The following C4orf36 variants were observed in gnomAD, a reference collection of about 807,000 sequenced individuals.
C4orf36 encodes uncharacterized protein C4orf36.
In C4orf36, 11 loss-of-function variants were observed where a neutral mutation model predicts 12.2. The observed-to-expected ratio is 0.90, with a 90% confidence interval of 0.57 to 1.49. The LOEUF is 1.49. Ranked by LOEUF, C4orf36 falls within the 40% of genes most tolerant of loss-of-function variation. The probability of loss-of-function intolerance (pLI) is 0.00; values close to 1 mark genes in which losing one functional copy is unlikely to be tolerated. For synonymous variants in C4orf36, 54 were observed against 51.3 expected (o/e 1.05, Z -0.22); for missense variants, 137 against 133.9 (o/e 1.02, Z -0.11).
intron 2 of C4orf36, among the ~76,000 whole-genome samples, chr4:86,889,734 G>A (rs6823051): frequency 0.39 from 58,931 of 151,960 alleles, 12,209 homozygotes; most frequent in Non-Finnish European, 0.45. Flanking sequence ...CAGGTGATGT[G>A]ATGAGATCTC....
intron 1 of C4orf36, chr4:86,891,922 G>GCT (rs1398501045): frequency 1.1e-6 from 1 of 897,240 alleles, no homozygotes; most frequent in Non-Finnish European, 1.4e-6. Context: ...GCGACCAAAG[G>GCT]CTCTGCCTGC....
chr4:86,879,424 C>T (rs2121871), intron 4 of C4orf36, among the ~76,000 whole-genome samples: 59,115 of 151,992 alleles, frequency 0.39, 12,259 homozygotes, highest in Non-Finnish European at 0.45. Context: ...AGGAGTTCAA[C>T]AGGACACTTA....
intron 2 of C4orf36, chr4:86,889,971 A>G: frequency 2.3e-6 from 1 of 429,456 alleles, no homozygotes; most frequent in Admixed American, 2.5e-5. Flanking sequence ...AAGGTGGATC[A>G]CTTGAGGACA....
chr4:86,914,288 G>T, the C4orf36 span: 1 of 1,600,736 alleles, frequency 6.2e-7, no homozygotes, highest in East Asian at 2.2e-5. Flanking sequence ...CCCCACAAGT[G>T]ACGATGCGGT....
intron 4 of C4orf36, 87 bp downstream of exon 4, chr4:86,887,671 G>A (rs1747228398): frequency 1.3e-6 from 2 of 1,529,442 alleles, no homozygotes; most frequent in Admixed American, 3.6e-5. Context: ...TCAAATATCT[G>A]CCCTGAACTA....
At chr4:86,927,558 G>A in the C4orf36 span, among the ~76,000 whole-genome samples, 1 of 152,310 alleles carries the variant, frequency 6.6e-6, no homozygotes, top group African/African-American at 2.4e-5. Flanking sequence ...ACTTTGGGAG[G>A]CCGAGGCGGG....
At chr4:86,889,101 A>G (rs899172089) in intron 2 of C4orf36, among the ~76,000 whole-genome samples, 1 of 151,998 alleles carries the variant, frequency 6.6e-6, no homozygotes, top group African/African-American at 2.4e-5. Flanking sequence ...TGTAATCCCA[A>G]CACTTTGGGA....
At chr4:86,880,605 T>C (rs1431009165) in intron 4 of C4orf36, among the ~76,000 whole-genome samples, 2 of 152,162 alleles carry the variant, frequency 1.3e-5, no homozygotes, top group African/African-American at 4.8e-5. Flanking sequence ...AAACAAAAGC[T>C]GAGGAGGTTC....
chr4:86,881,408 G>C (rs951851050), intron 4 of C4orf36, among the ~76,000 whole-genome samples: 21 of 152,048 alleles, frequency 1.4e-4, no homozygotes, highest in Admixed American at 1.4e-3. Context: ...GCTATCTCCT[G>C]ATTTTTAAAA....
the C4orf36 span, among the ~76,000 whole-genome samples, chr4:86,921,591 T>C: frequency 6.6e-6 from 1 of 152,232 alleles, no homozygotes; most frequent in East Asian, 1.9e-4. Context: ...GAATATTTAG[T>C]AAACTGTGAC....
intron 4 of C4orf36, chr4:86,886,489 G>A (rs867977579): frequency 7.9e-5 from 12 of 152,180 alleles, no homozygotes; most frequent in Middle Eastern, 3.2e-3. Context: ...AGACATTTAT[G>A]CAGCCAACAG....
In C4orf36 at chr4:86,876,411, C is replaced by T; in HGVS notation, c.*35G>A. ...GGAGAAGCAGTTCCCGCCGGCGCTG[C>T]TGAGTTTCTTCATCTACAATCCGCG... is the stretch of plus-strand genomic sequence containing the variant. On this transcript the variant is annotated 3_prime_UTR_variant, in exon 5 of 5. Transcript: ENST00000295898. The T allele has an allele frequency of 6.2e-7, 1 of 1,612,532 alleles. No homozygotes were observed. Among genetic ancestry groups the T allele is most frequent in the East Asian group, 2.2e-5 (1 of 44,858 alleles).
chr4:86,922,395 C>CA, the C4orf36 span, among the ~76,000 whole-genome samples: 3 of 151,926 alleles, frequency 2.0e-5, no homozygotes, highest in African/African-American at 7.2e-5. Context: ...AATGGAAAAA[C>CA]AAAAACAAAA....
At chr4:86,886,054 T>C (rs1183917288) in intron 4 of C4orf36, among the ~76,000 whole-genome samples, 3 of 152,196 alleles carry the variant, frequency 2.0e-5, no homozygotes, top group African/African-American at 4.8e-5. Flanking sequence ...GAAGCCCACT[T>C]GATCATGGTG....
the C4orf36 span, among the ~76,000 whole-genome samples, chr4:86,932,810 G>A: frequency 2.5e-3 from 378 of 150,202 alleles, 1 homozygote; most frequent in Non-Finnish European, 4.3e-3. Flanking sequence ...AAGCACCGAT[G>A]TCAGAAACAT....
chr4:86,896,327 A>G (rs181779184), upstream of C4orf36, among the ~76,000 whole-genome samples: 2 of 152,332 alleles, frequency 1.3e-5, no homozygotes, highest in Admixed American at 1.3e-4. Context: ...ATTTCTCATG[A>G]CATACATGTA....
chr4:86,890,199 G>GAGGA (rs1560473814), intron 2 of C4orf36: 4 of 245,844 alleles, frequency 1.6e-5, no homozygotes, highest in Admixed American at 4.6e-5. Context: ...GGGAGGGAGG[G>GAGGA]AGGGAGGGAG....
At chr4:86,888,391 T>A in intron 2 of C4orf36, 116 bp from the exon 3 acceptor site, 1 of 947,652 alleles carries the variant, frequency 1.1e-6, no homozygotes, top group Non-Finnish European at 1.6e-6. Flanking sequence ...GGTTTATGGG[T>A]GGAGGGGGAG....
In C4orf36 at chr4:86,892,310, G is replaced by A; in HGVS notation, c.-201C>T. On this transcript the variant is annotated 5_prime_UTR_variant, in exon 1 of 5. Transcript: ENST00000295898. The stretch of plus-strand genomic sequence containing the variant: ...GGCTCCAGGGGCTCGGAGGGTCGCG[G>A]CCGGGGTACTGAGGTAAGAGCGCGC... 1.0e-6 allele frequency: 1 copy of A among 985,682 alleles called. No homozygotes were observed. The highest frequency in any genetic ancestry group is 1.2e-6 in the Non-Finnish European group (1 of 830,128). 61.1% of individuals were successfully genotyped at this position (985,682 alleles called of 1,614,324 possible).
Sources: gnomAD v4.1 joint callset for allele counts (sites outside exome capture counted in the v4.1 genomes callset) on GRCh38, gnomAD v4.1.1 for gene constraint, MANE v1.5 for transcripts, NCBI Gene and HGNC (gene_info 2026-07-23, HGNC 2026-07-21) for gene names.